Variants in DGUOK observed in about 807,000 individuals in gnomAD.
The protein encoded by DGUOK is deoxyguanosine kinase, mitochondrial.
In DGUOK, 30 loss-of-function variants were observed where a neutral mutation model predicts 36.6. The observed-to-expected ratio is 0.82, with a 90% CI of 0.61 to 1.11. The LOEUF is 1.11. Ranked by LOEUF, DGUOK falls within the 50% of genes most tolerant of loss-of-function variation. The pLI is 0.00. For missense variants in DGUOK, 361 were observed against 336.4 expected (o/e 1.07, Z -0.57); for synonymous variants, 145 against 126.3 (o/e 1.15, Z -0.99).
At chr2:73,947,536 C>G (rs551043370) in intron 3 of DGUOK, 4 of 164,436 alleles carry the variant, frequency 2.4e-5, no homozygotes, top group Admixed American at 1.1e-4. Context: ...ATCATCCTGA[C>G]CACCTGAGGG....
intron 6 of DGUOK, 60 bp from the exon 7 acceptor site, chr2:73,958,650 G>A (rs1683312159): frequency 3.5e-6 from 5 of 1,428,556 alleles, no homozygotes; most frequent in Non-Finnish European, 4.0e-6. Flanking sequence ...ATTGGGGGTG[G>A]ACCATTGAAA....
chr2:73,940,897 C>T (rs2462125), intron 2 of DGUOK, among the ~76,000 whole-genome samples: 84,500 of 152,040 alleles, frequency 0.56, 24,675 homozygotes, highest in Non-Finnish European at 0.63. Flanking sequence ...AATTGTCTAA[C>T]GACACATTTC....
At chr2:73,929,750 T>G (rs1034560029) in intron 1 of DGUOK, among the ~76,000 whole-genome samples, 1 of 152,162 alleles carries the variant, frequency 6.6e-6, no homozygotes, top group Non-Finnish European at 1.5e-5. Context: ...AGGTCTTTGG[T>G]GAACTTGAAA....
chr2:73,927,638 A>G (rs891148104), intron 1 of DGUOK, among the ~76,000 whole-genome samples: 2 of 152,266 alleles, frequency 1.3e-5, no homozygotes, highest in Non-Finnish European at 2.9e-5. Context: ...TGCTAGTTGC[A>G]TAATAATTTC....
intron 2 of DGUOK, 78 bp from the exon 3 acceptor site, chr2:73,946,641 G>C: frequency 7.9e-7 from 1 of 1,267,608 alleles, no homozygotes; most frequent in East Asian, 2.3e-5. Context: ...GGGAGGTAGG[G>C]GTGTGTGTGG....
intron 4 of DGUOK, among the ~76,000 whole-genome samples, chr2:73,954,533 T>TAACA (rs146628563): frequency 0.011 from 1,723 of 152,000 alleles, 42 homozygotes; most frequent in African/African-American, 0.04. Flanking sequence ...ACAAGCAAGC[T>TAACA]AACAATTTTA....
chr2:73,953,290 A>ATCGTCGTCG (rs70965773), intron 4 of DGUOK, among the ~76,000 whole-genome samples: 96 of 140,810 alleles, frequency 6.8e-4, no homozygotes, highest in Non-Finnish European at 1.2e-3. Context: ...CATCATCATC[A>ATCGTCGTCG]TCGTCGTCGT....
intron 2 of DGUOK, among the ~76,000 whole-genome samples, chr2:73,942,927 T>C (rs976897640): frequency 6.6e-6 from 1 of 152,200 alleles, no homozygotes; most frequent in African/African-American, 2.4e-5. Context: ...AAAAACCACT[T>C]TAGCATCTAG....
Position 73,958,874 on chromosome 2 carries a change from T to A in DGUOK, c.*138T>A, listed in dbSNP as rs1683336719. ...CTCTGCCGCTCAAGAGCTGGTTTGT[T>A]AATTATTGTTAGACTTTGCCATTGT... On this transcript the variant is annotated 3_prime_UTR_variant, in exon 7 of 7. Coordinates refer to ENST00000264093, the MANE Select transcript of DGUOK (RefSeq NM_080916.3). 7 of 732,140 alleles carry A rather than the reference T, an allele frequency of 9.6e-6. No homozygotes were observed. The highest frequency in any genetic ancestry group is 1.7e-5 in the Non-Finnish European group (7 of 411,540). 45.4% of individuals were successfully genotyped at this position (732,140 alleles called of 1,614,324 possible). A position where few individuals can be genotyped will look rare whatever the true frequency, so the allele number is the denominator to read the frequency against.
chr2:73,944,600 G>A (rs1414769024), intron 2 of DGUOK, among the ~76,000 whole-genome samples: 1 of 152,140 alleles, frequency 6.6e-6, no homozygotes, highest in Non-Finnish European at 1.5e-5. Flanking sequence ...GTATTTTTGT[G>A]TCCAATTATT....
intron 2 of DGUOK, among the ~76,000 whole-genome samples, chr2:73,943,921 A>G (rs1021156144): frequency 7.9e-5 from 12 of 152,208 alleles, no homozygotes; most frequent in African/African-American, 2.9e-4. Flanking sequence ...TGCCGGGATT[A>G]CAGGCATGAG....
At chr2:73,953,474 C>T (rs1440315174) in intron 4 of DGUOK, among the ~76,000 whole-genome samples, 1 of 152,006 alleles carries the variant, frequency 6.6e-6, no homozygotes, top group African/African-American at 2.4e-5. Context: ...GTTTTGATGG[C>T]ATTAGTTCCA....
intron 4 of DGUOK, among the ~76,000 whole-genome samples, chr2:73,954,028 T>C (rs549359900): frequency 6.6e-6 from 1 of 152,110 alleles, no homozygotes; most frequent in East Asian, 2.0e-4. Flanking sequence ...CCCTAACTTC[T>C]TAAAAGCCAG....
chr2:73,928,149 T>C (rs1193697905), intron 1 of DGUOK, among the ~76,000 whole-genome samples: 4 of 152,212 alleles, frequency 2.6e-5, no homozygotes, highest in Non-Finnish European at 5.9e-5. Context: ...TTATTTGAGA[T>C]GGAGTTTTGC....
chr2:73,957,712 C>A (rs983861794), intron 5 of DGUOK, among the ~76,000 whole-genome samples: 1 of 152,146 alleles, frequency 6.6e-6, no homozygotes, highest in Non-Finnish European at 1.5e-5. Context: ...ATTCCAAGGG[C>A]CTTTTTATTA....
chr2:73,952,786 G>A (rs1413667938), intron 4 of DGUOK, among the ~76,000 whole-genome samples: 2 of 152,140 alleles, frequency 1.3e-5, no homozygotes, highest in South Asian at 2.1e-4. Context: ...TTGTTTCTGG[G>A]GAGTGGAAGT....
chr2:73,958,888 CTT>C lies in DGUOK; in HGVS notation c.*154_*155del. 1 of 682,350 alleles carries C rather than the reference CTT, an allele frequency of 1.5e-6. No individual in the cohort carries two copies. Among genetic ancestry groups the C allele is most frequent in the East Asian group, 2.7e-5 (1 of 37,692 alleles). The allele number at this position is 682,350 out of a possible 1,614,324, so 42.3% of individuals were successfully genotyped here. ...AGCTGGTTTGTTAATTATTGTTAGA[CTT>C]TGCCATTGTTTTCTTTTGTACCTGA... is the stretch of plus-strand genomic sequence containing the variant. On this transcript the variant is annotated 3_prime_UTR_variant, in exon 7 of 7. Transcript: ENST00000264093.
At chr2:73,946,070 A>G (rs72816161) in intron 2 of DGUOK, among the ~76,000 whole-genome samples, 31 of 142,960 alleles carry the variant, frequency 2.2e-4, no homozygotes, top group African/African-American at 2.6e-4. Context: ...AAAAAAAAAA[A>G]AATCCGGGGC....
At chr2:73,942,280 C>CT (rs1681960885) in intron 2 of DGUOK, among the ~76,000 whole-genome samples, 1 of 152,144 alleles carries the variant, frequency 6.6e-6, no homozygotes, top group Non-Finnish European at 1.5e-5. Flanking sequence ...TTTATGTAGT[C>CT]TAACCTGTCC....
Sources: gnomAD v4.1 joint callset for allele counts (sites outside exome capture counted in the v4.1 genomes callset) on GRCh38, gnomAD v4.1.1 for gene constraint, MANE v1.5 for transcripts, NCBI Gene and HGNC (gene_info 2026-07-23, HGNC 2026-07-21) for gene names.